Variants in TTN observed in about 807,000 individuals in gnomAD.
The protein encoded by TTN is titin, also known as connectin.
Under a neutral mutation model 3,223.0 loss-of-function variants are expected in TTN, and 1,525 were observed. The ratio of observed to expected loss-of-function variants is 0.47; its 90% CI spans 0.45 to 0.49. The LOEUF is 0.49. Among genes scored for constraint, TTN ranks in the 20% least tolerant of loss-of-function variants. The probability of loss-of-function intolerance (pLI) is 0.00; values close to 1 mark genes in which losing one functional copy is unlikely to be tolerated. For missense variants in TTN, 40,786 were observed against 43,424.0 expected, an observed-to-expected ratio of 0.94 and a Z score of 5.40; for synonymous variants, 14,094 against 15,161.0, an observed-to-expected ratio of 0.93 and a Z score of 5.17.
chr2:178,653,017 A>C, intron 199 of TTN, 24 bp downstream of exon 199: 1 of 1,611,494 alleles, frequency 6.2e-7, no homozygotes, highest in Non-Finnish European at 8.5e-7. Context: ...CAGTCTTCTG[A>C]AGCCTAAAGC....
intron 242 of TTN, among the ~76,000 whole-genome samples, chr2:178,624,185 C>G (rs777449948): frequency 6.6e-6 from 1 of 152,018 alleles, no homozygotes; most frequent in Middle Eastern, 3.4e-3. Flanking sequence ...AGGCTGACCC[C>G]ATGTAGACAA....
In TTN at chr2:178,734,308, T is replaced by A. The variant is rs2081058208; in HGVS notation, c.15496+20A>T. 13 of 1,544,856 alleles carry A rather than the reference T, an allele frequency of 8.4e-6. No individual in the cohort carries two copies. Among genetic ancestry groups the A allele is most frequent in the African/African-American group, 1.4e-5 (1 of 72,358 alleles). On this transcript the variant is annotated intron_variant, in intron 52 of 362. Coordinates refer to ENST00000589042, the MANE Select transcript of TTN (RefSeq NM_001267550.2). ...AGTTTGACAATTTATTAAAGAGACA[T>A]TAGTTTTTCAAGCACTAACCTTTGA...
At position 178,677,672 on chromosome 2, in the gene TTN, C is replaced by T. The variant is rs748080418; in HGVS notation, c.34240G>A (p.Glu11414Lys). The T allele has an allele frequency of 5.6e-6, 9 of 1,612,142 alleles. No individual in the cohort carries two copies. Among genetic ancestry groups the T allele is most frequent in the Non-Finnish European group, 7.6e-6 (9 of 1,178,998 alleles). Residue 11414 changes from glutamate to lysine, a missense_variant, in exon 146 of 363, where the codon GAA (glutamate) becomes AAA (lysine). Transcript: ENST00000589042. ...YVPEEEEFVP[E>K]EEVLPEVKPK... is the part of the protein sequence containing the mutation. ...TTAACTTCTGGAAGGACTTCTTCTT[C>T]AGGTACAAATTCTTCTTCCTCAGGT...
intron 313 of TTN, 144 bp downstream of exon 313, chr2:178,582,796 A>C: frequency 1.1e-6 from 1 of 926,572 alleles, no homozygotes; most frequent in Non-Finnish European, 1.5e-6. Context: ...TAACTCTAAA[A>C]CGTGGTTCTG....
intron 36 of TTN, 29 bp downstream of exon 36, chr2:178,770,031 A>C (rs1574563443): frequency 3.7e-6 from 6 of 1,614,186 alleles, no homozygotes; most frequent in Non-Finnish European, 5.1e-6. Context: ...CATTAAGGAA[A>C]GGGCTGTAGG....
In TTN at chr2:178,739,219, G is replaced by T. The variant is rs1553935908; in HGVS notation, c.14014C>A (p.Gln4672Lys). The change falls in exon 48 of 363, where the codon CAA becomes AAA. Residue 4672 changes from glutamine to lysine, a missense_variant. Gln to Lys is a moderately conservative substitution (Grantham distance 53). Coordinates refer to ENST00000589042, the MANE Select transcript of TTN (RefSeq NM_001267550.2). ...AAGGCCTCACAGACATACTCTCCTT[G>T]ATGGTCTTCGGTATTTACTTTGTCG... ...VIDKVNTEDHQGEYVCEALND... is the reference protein window; with the variant it reads ...VIDKVNTEDHKGEYVCEALND... The T allele has an allele frequency of 1.9e-6, 3 of 1,572,556 alleles. No homozygotes were observed. The highest frequency in any genetic ancestry group is 2.6e-6 in the Non-Finnish European group (3 of 1,156,396).
In TTN at chr2:178,559,726, A is replaced by G. The variant is rs766752880; in HGVS notation, c.86406T>C (p.Asp28802=). 2 of 1,601,042 alleles carry G rather than the reference A, an allele frequency of 1.2e-6. No homozygotes were observed. The highest frequency in any genetic ancestry group is 1.7e-6 in the Non-Finnish European group (2 of 1,172,914). The change falls in exon 326 of 363, where the codon GAT becomes GAC. Residue 28802 remains aspartate (D), a synonymous_variant. Transcript: ENST00000589042. ...DTDLRTRAYV[D]TTDSRTSLTI... The stretch of plus-strand genomic sequence containing the variant: ...TCAGTGATGTACGAGAGTCTGTGGT[A>G]TCAACATAAGCTCTAGTACGGAGGT...
chr2:178,551,098 T>A lies in TTN; in HGVS notation c.91433A>T (p.Glu30478Val), dbSNP rs794729531. Residue 30478 changes from glutamate (E) to valine (V), a missense_variant, in exon 336 of 363, where the codon GAA becomes GTA. Glu to Val is a moderately radical substitution (Grantham distance 121). Coordinates refer to ENST00000589042, the MANE Select transcript of TTN (RefSeq NM_001267550.2). ...WVRCNFTDVS[E>V]CQYTVTGLSP... ...GAGTCCTGTAACTGTGTACTGACAT[T>A]CACTGACGTCAGTAAAGTTGCATCT... The A allele has an allele frequency of 5.0e-6, 8 of 1,613,350 alleles. No individual in the cohort carries two copies. The Admixed American group carries it at 1.3e-4, about 27-fold the overall frequency.
At chr2:178,797,849 T>C (rs2093851148) in intron 6 of TTN, among the ~76,000 whole-genome samples, 1 of 152,158 alleles carries the variant, frequency 6.6e-6, no homozygotes. Flanking sequence ...CTTTCACCCA[T>C]AAATGCTTTT....
In TTN at chr2:178,576,138, C is replaced by G; in HGVS notation, c.69994G>C (p.Asp23332His). The G allele has an allele frequency of 1.2e-6, 2 of 1,613,444 alleles. No homozygotes were observed. Among genetic ancestry groups the G allele is most frequent in the African/African-American group, 1.3e-5 (1 of 75,020 alleles). The change falls in exon 326 of 363, where the codon GAT (aspartate) becomes CAT (histidine). Residue 23332 changes from aspartate (D) to histidine (H), a missense_variant. Transcript: ENST00000589042. The surrounding 1 kb of genome is among the most constrained non-coding windows in gnomAD (Gnocchi z 4.3). ...AGVGEPAVIP[D>H]VEIVEREMAP... ...ATCTCCCGTTCTACGATTTCAACAT[C>G]TGGAATCACCGCTGGCTCCCCAACA...
At chr2:178,789,561 CTTCCCCCTTCCTCATGGGGATGCAAGATG>C in intron 12 of TTN, 64 bp from the exon 13 acceptor site, 1 of 1,600,020 alleles carries the variant, frequency 6.2e-7, no homozygotes, top group South Asian at 1.1e-5. Context: ...TAGTATGACC[CTTCCCCCTTCCTCATGGGGATGCAAGATG>C]GTTATTCAGG....
Position 178,757,603 on chromosome 2 carries a change from G to T in TTN, c.10617C>A (p.Cys3539Ter), listed in dbSNP as rs765590946. The change falls in exon 45 of 363, where the codon TGC (cysteine) becomes TGA (stop). Residue 3539 changes from cysteine (C) to a stop codon, truncating the protein, a stop_gained. Coordinates refer to ENST00000589042, the MANE Select transcript of TTN (RefSeq NM_001267550.2). LOFTEE classifies it high-confidence loss of function. ...AYSEHAGQYS[C>*]KAANSAGEAT... Reference sequence around the variant, plus strand: ...CTTCCCCAGCACTATTGGCTGCTTTGCAAGAGTACTGCCCAGCATGCTCTG... The same window carrying T: ...CTTCCCCAGCACTATTGGCTGCTTTTCAAGAGTACTGCCCAGCATGCTCTG... The T allele has an allele frequency of 6.2e-7, 1 of 1,609,532 alleles. No homozygotes were observed. Among genetic ancestry groups the T allele is most frequent in the Non-Finnish European group, 8.5e-7 (1 of 1,176,624 alleles).
rs369885702 is a variant in TTN at position 178,785,673 on chromosome 2, G to A, written c.2440C>T (p.Pro814Ser). Residue 814 changes from proline (P) to serine (S), a missense_variant, in exon 15 of 363, where the codon CCT (proline) becomes TCT (serine). By Grantham distance (74) the Pro-to-Ser change is moderately conservative. Coordinates refer to ENST00000589042, the MANE Select transcript of TTN (RefSeq NM_001267550.2). ...HVDKRPRTAS[P>S]HFTVSKISVP... ...GAAATTTTTGAAACAGTAAAGTGAG[G>A]GCTAGCTGTGCGGGGGCGTTTATCC... is the stretch of plus-strand genomic sequence containing the variant. The A allele has an allele frequency of 2.2e-5, 35 of 1,613,988 alleles. No homozygotes were observed. The highest frequency in any genetic ancestry group is 3.0e-5 in the Non-Finnish European group (35 of 1,179,996).
At position 178,632,907 on chromosome 2, in the gene TTN, G is replaced by A; in HGVS notation, c.43213+11C>T. On this transcript the variant is annotated intron_variant, in intron 234 of 362. Transcript: ENST00000589042. ...GAAAATACAAAAACGTGGCTGACAAGTAGAGCATACCTTTCACTTTCAGAT... is the reference window on the plus strand; with the variant it reads ...GAAAATACAAAAACGTGGCTGACAAATAGAGCATACCTTTCACTTTCAGAT... 1 of 1,612,622 alleles carries A rather than the reference G, an allele frequency of 6.2e-7. No individual in the cohort carries two copies. The highest frequency in any genetic ancestry group is 8.5e-7 in the Non-Finnish European group (1 of 1,179,160).
At position 178,613,787 on chromosome 2, in the gene TTN, C is replaced by G. The variant is rs1479161212; in HGVS notation, c.49496G>C (p.Arg16499Thr). The G allele has an allele frequency of 6.2e-7, 1 of 1,612,484 alleles. No homozygotes were observed. The highest frequency in any genetic ancestry group is 1.1e-5 in the South Asian group (1 of 91,016). The change falls in exon 263 of 363, where the codon AGA becomes ACA. Residue 16499 changes from arginine (R) to threonine (T), a missense_variant. Transcript: ENST00000589042. ...RLDPDTDKWV[R>T]CNKMPVKDTT... is the part of the protein sequence containing the mutation. ...GTCCTTTACTGGCATCTTATTGCAT[C>G]TAACCCATTTATCTGTATCAGGATC...
At position 178,719,663 on chromosome 2, in the gene TTN, C is replaced by T; in HGVS notation, c.23829G>A (p.Val7943=). Reference sequence around the variant, plus strand: ...CGGCACAGGGGATTTTAAGGGAAGCCACTTTATTGATGAATGTAATGTGAT... The same window carrying T: ...CGGCACAGGGGATTTTAAGGGAAGCTACTTTATTGATGAATGTAATGTGAT... ...SKHHITFINK[V]ASLKIPCAEM... is the part of the protein sequence containing the mutation. The change falls in exon 82 of 363, where the codon GTG becomes GTA. Residue 7943 remains valine (V), a synonymous_variant. Coordinates refer to ENST00000589042, the MANE Select transcript of TTN (RefSeq NM_001267550.2). The T allele has an allele frequency of 6.2e-7, 1 of 1,613,684 alleles. No homozygotes were observed. Among genetic ancestry groups the T allele is most frequent in the Non-Finnish European group, 8.5e-7 (1 of 1,179,716 alleles).
At chr2:178,666,396 A>T (rs2065936450) in intron 163 of TTN, among the ~76,000 whole-genome samples, 1 of 152,128 alleles carries the variant, frequency 6.6e-6, no homozygotes, top group Non-Finnish European at 1.5e-5. Flanking sequence ...GGAGCAAATG[A>T]ACATGGAGGG....
Position 178,723,100 on chromosome 2 carries a change from C to G in TTN, c.21907G>C (p.Glu7303Gln), listed in dbSNP as rs774950387. ...TCCCTTCCTGCCTCATTTTCAATCT[C>G]GCAGGAATACTGCCCTGCATCTCTT... ...TKRDAGQYSC[E>Q]IENEAGRDVC... Residue 7303 changes from glutamate to glutamine, a missense_variant, in exon 75 of 363, where the codon GAG becomes CAG. By Grantham distance (29) the Glu-to-Gln change is conservative (BLOSUM62 2). Transcript: ENST00000589042. 1 of 1,613,596 alleles carries G rather than the reference C, an allele frequency of 6.2e-7. No individual in the cohort carries two copies. Among genetic ancestry groups the G allele is most frequent in the Non-Finnish European group, 8.5e-7 (1 of 1,179,662 alleles).
Position 178,616,926 on chromosome 2 carries a change from C to G in TTN, c.47963G>C (p.Gly15988Ala), listed in dbSNP as rs1182070042. The G allele has an allele frequency of 1.9e-6, 3 of 1,612,508 alleles. No individual in the cohort carries two copies. The highest frequency in any genetic ancestry group is 2.2e-5 in the South Asian group (2 of 91,060). ...CCAGGTTGCAGTTGGCCTTGGATAGCCTGTACTTGGAACCAGGATCGTGAT... is the reference window on the plus strand; with the variant it reads ...CCAGGTTGCAGTTGGCCTTGGATAGGCTGTACTTGGAACCAGGATCGTGAT... ...NPITILVPST[G>A]YPRPTATWCF... Residue 15988 changes from glycine to alanine, a missense_variant, in exon 256 of 363, where the codon GGC becomes GCC. Gly to Ala is a moderately conservative substitution (Grantham distance 60). Coordinates refer to ENST00000589042, the MANE Select transcript of TTN (RefSeq NM_001267550.2).
Sources: gnomAD v4.1 joint callset for allele counts (sites outside exome capture counted in the v4.1 genomes callset) on GRCh38, gnomAD v4.1.1 for gene constraint, Gnocchi (gnomAD v3.1) non-coding constraint, MANE v1.5 for transcripts, NCBI Gene and HGNC (gene_info 2026-07-23, HGNC 2026-07-21) for gene names.